The following OXR1 variants were observed in gnomAD, a reference collection of about 807,000 sequenced individuals.
OXR1 encodes the protein oxidation resistance protein 1.
Under a neutral mutation model 104.6 loss-of-function variants are expected in OXR1, and 41 were observed. The ratio of observed to expected loss-of-function variants is 0.39; its 90% CI spans 0.31 to 0.51. The LOEUF (loss-of-function observed/expected upper bound fraction) is 0.51, where lower values mean the gene tolerates loss of function less well. Ranked by LOEUF, OXR1 falls within the 20% of genes least tolerant of loss-of-function variation. The probability of loss-of-function intolerance (pLI) is 0.77; values close to 1 mark genes in which losing one functional copy is unlikely to be tolerated. For synonymous variants in OXR1, 348 were observed against 348.4 expected (o/e 1.00, Z 0.01); for missense variants, 955 against 1,031.9 (o/e 0.93, Z 1.02).
intron 3 of OXR1, among the ~76,000 whole-genome samples, chr8:106,579,646 G>A (rs1818096516): frequency 6.6e-6 from 1 of 152,140 alleles, no homozygotes; most frequent in East Asian, 1.9e-4. Context: ...AAGAAAGAAA[G>A]ATTAAAGCTT....
intron 2 of OXR1, among the ~76,000 whole-genome samples, chr8:106,474,049 A>AT (rs1821670416): frequency 7.3e-6 from 1 of 137,034 alleles, no homozygotes; most frequent in African/African-American, 2.8e-5. Flanking sequence ...ACACACACAC[A>AT]CACACAGTAT....
intron 3 of OXR1, among the ~76,000 whole-genome samples, chr8:106,660,285 C>T (rs932340598): frequency 1.3e-5 from 2 of 152,202 alleles, no homozygotes; most frequent in Non-Finnish European, 2.9e-5. Flanking sequence ...TTTGCAGCTG[C>T]TTCTCAGATG....
chr8:106,320,735 A>G (rs1481146245), intron 1 of OXR1, among the ~76,000 whole-genome samples: 2 of 151,974 alleles, frequency 1.3e-5, no homozygotes, highest in Admixed American at 6.6e-5. Flanking sequence ...GCAGTGACAC[A>G]ATCTCGGCTC....
intron 3 of OXR1, chr8:106,658,037 C>G: frequency 8.0e-7 from 1 of 1,248,618 alleles, no homozygotes; most frequent in Non-Finnish European, 1.0e-6. Context: ...TTCTGCGGGG[C>G]ACGGCCAACC....
chr8:106,457,347 A>G (rs1374712977), intron 2 of OXR1, among the ~76,000 whole-genome samples: 1 of 152,132 alleles, frequency 6.6e-6, no homozygotes, highest in Non-Finnish European at 1.5e-5. Context: ...GGTCCTCACA[A>G]GTTGCTGGCA....
rs181285190 is a variant in OXR1, at chr8:106,604,742, C to T, written c.221-74468C>T. ...AATAACATGGAAGAAGCCTATCTTT[C>T]GATAATTGTGACATAAGTTTTTCTT... On this transcript the variant is annotated intron_variant, in intron 3 of 16. Coordinates refer to ENST00000517566, the MANE Select transcript of OXR1 (RefSeq NM_001198533.2). 17 of 152,238 alleles carry T rather than the reference C, an allele frequency of 1.1e-4. No individual in the cohort carries two copies. In the South Asian group the frequency reaches 3.1e-3, roughly 28 times the overall value. The allele number at this position is 152,238 out of a possible 1,614,324, so 9.4% of individuals were successfully genotyped here.
In OXR1 at chr8:106,529,391, C is replaced by T. The variant is rs572446825; in HGVS notation, c.220+10252C>T. Among the ~76,000 whole-genome samples, 50 of 152,254 alleles carry T rather than the reference C, an allele frequency of 3.3e-4. No individual in the cohort carries two copies. In the South Asian group the frequency reaches 1.0e-2, roughly 30 times the overall value. ...AAATCCCACAAGCTGAAACTACTTT[C>T]AACTCTAAAATTAATATGAAAGCTT... is the stretch of plus-strand genomic sequence containing the variant. On this transcript the variant is annotated intron_variant, in intron 3 of 16. Transcript: ENST00000517566.
intron 1 of OXR1, among the ~76,000 whole-genome samples, chr8:106,297,536 A>G (rs940534100): frequency 2.0e-5 from 3 of 151,428 alleles, no homozygotes; most frequent in African/African-American, 7.4e-5. Flanking sequence ...TGTACCGAAT[A>G]CTGTAGGCAG....
In OXR1 at chr8:106,708,239, T is replaced by TA. The variant is rs750434781; in HGVS notation, c.1624+1095dup. 5.1e-4 allele frequency among the ~76,000 whole-genome samples: 78 copies of TA among 151,856 alleles called. 1 individual carries two copies. Among genetic ancestry groups the TA allele is most frequent in the Non-Finnish European group, 8.5e-4 (58 of 67,902 alleles). On this transcript the variant is annotated intron_variant, in intron 9 of 16. Coordinates refer to ENST00000517566, the MANE Select transcript of OXR1 (RefSeq NM_001198533.2). ...AAACCCTGTTTCTACAAAAAAAAAT[T>TA]ACAAAAATTCGTCAGACATGGTGAT...
chr8:106,563,101 G>A (rs1183065083), intron 3 of OXR1, among the ~76,000 whole-genome samples: 1 of 152,080 alleles, frequency 6.6e-6, no homozygotes, highest in Non-Finnish European at 1.5e-5. Flanking sequence ...ATAATGACAG[G>A]ATCAAATTCT....
chr8:106,486,994 G>A (rs1047544252), intron 2 of OXR1, among the ~76,000 whole-genome samples: 1 of 151,268 alleles, frequency 6.6e-6, no homozygotes, highest in Non-Finnish European at 1.5e-5. Flanking sequence ...AATATTGTGA[G>A]GCCTTCCTTG....
intron 7 of OXR1, among the ~76,000 whole-genome samples, chr8:106,701,695 C>G (rs185958259): frequency 1.3e-5 from 2 of 152,232 alleles, no homozygotes; most frequent in Admixed American, 1.3e-4. Flanking sequence ...TAGCATAAAG[C>G]ATGAACTAGC....
At chr8:106,679,379 C>A (rs1239373237) in intron 4 of OXR1, 87 bp downstream of exon 4, 1 of 553,756 alleles carries the variant, frequency 1.8e-6, no homozygotes, top group Non-Finnish European at 3.2e-6. Flanking sequence ...ATAAGACAAG[C>A]ATTGTTAATT....
chr8:106,513,256 T>C (rs1256805506), intron 2 of OXR1, among the ~76,000 whole-genome samples: 8 of 152,120 alleles, frequency 5.3e-5, no homozygotes, highest in African/African-American at 1.9e-4. Context: ...GGAGAGCTGG[T>C]TGAAATGGGA....
intron 2 of OXR1, among the ~76,000 whole-genome samples, chr8:106,512,635 T>C (rs1296485426): frequency 6.6e-6 from 1 of 152,162 alleles, no homozygotes; most frequent in Non-Finnish European, 1.5e-5. Context: ...AAGGTAGAGT[T>C]GTATCATGTA....
chr8:106,536,619 T>A (rs1471298582), intron 3 of OXR1, among the ~76,000 whole-genome samples: 7 of 152,204 alleles, frequency 4.6e-5, no homozygotes, highest in Non-Finnish European at 8.8e-5. Flanking sequence ...TTTTATTTTT[T>A]AAATTTTTTT....
intron 2 of OXR1, among the ~76,000 whole-genome samples, chr8:106,465,037 T>G (rs550730964): frequency 6.6e-6 from 1 of 152,052 alleles, no homozygotes; most frequent in African/African-American, 2.4e-5. Flanking sequence ...TACCTTAATA[T>G]ATAGAGTATG....
chr8:106,353,264 G>C (rs897672139), intron 1 of OXR1, among the ~76,000 whole-genome samples: 1 of 152,020 alleles, frequency 6.6e-6, no homozygotes, highest in African/African-American at 2.4e-5. Flanking sequence ...CAGGTGAATC[G>C]CTTGAACCCA....
chr8:106,667,092 T>C (rs1192606625), intron 3 of OXR1, among the ~76,000 whole-genome samples: 1 of 152,204 alleles, frequency 6.6e-6, no homozygotes, highest in South Asian at 2.1e-4. Context: ...GCAGAAAGTT[T>C]TATTGGGCAG....
Sources: gnomAD v4.1 joint callset for allele counts (sites outside exome capture counted in the v4.1 genomes callset) on GRCh38, gnomAD v4.1.1 for gene constraint, MANE v1.5 for transcripts, NCBI Gene and HGNC (gene_info 2026-07-23, HGNC 2026-07-21) for gene names.